The following TMEM132B variants were observed in gnomAD, a reference collection of about 807,000 sequenced individuals.
TMEM132B encodes transmembrane protein 132B.
TMEM132B carries 18 observed loss-of-function variants against 90.8 expected under a neutral mutation model. The observed-to-expected ratio is 0.20, with a 90% confidence interval of 0.14 to 0.29. TMEM132B has a LOEUF of 0.29. Ranked by LOEUF, TMEM132B falls within the 10% of genes least tolerant of loss-of-function variation. The probability of loss-of-function intolerance (pLI) is 1.00; values close to 1 mark genes in which losing one functional copy is unlikely to be tolerated. For missense variants in TMEM132B, 1,096 were observed against 1,326.8 expected (o/e 0.83, Z 2.70); for synonymous variants, 504 against 523.3 (o/e 0.96, Z 0.50).
At chr12:125,323,887 C>T (rs1478798804) in intron 1 of TMEM132B, among the ~76,000 whole-genome samples, 2 of 152,030 alleles carry the variant, frequency 1.3e-5, no homozygotes, top group Non-Finnish European at 2.9e-5. Flanking sequence ...GAAAGGAGCT[C>T]GTGTATATAA....
At chr12:125,290,398 C>T (rs73233341) in intron 1 of TMEM132B, among the ~76,000 whole-genome samples, 2,953 of 152,310 alleles carry the variant, frequency 0.019, 42 homozygotes, top group Non-Finnish European at 0.029. Flanking sequence ...CAGTTACAAT[C>T]GATGCTCCTG....
At chr12:125,439,146 CT>C (rs60886266) in intron 3 of TMEM132B, among the ~76,000 whole-genome samples, 65,813 of 146,854 alleles carry the variant, frequency 0.45, 16,672 homozygotes, top group African/African-American at 0.71. Flanking sequence ...TGTTCAGGCT[CT>C]TTTTTTTTTT....
chr12:125,271,057 C>T (rs186624697), intron 1 of TMEM132B, among the ~76,000 whole-genome samples: 1 of 151,666 alleles, frequency 6.6e-6, no homozygotes, highest in Admixed American at 6.6e-5. Context: ...CTCAAGTGAT[C>T]CTCCCACCTC....
chr12:125,570,636 G>A (rs1412188971), intron 4 of TMEM132B, among the ~76,000 whole-genome samples: 1 of 152,160 alleles, frequency 6.6e-6, no homozygotes, highest in Non-Finnish European at 1.5e-5. Context: ...TAAATGATCC[G>A]AGTCTAAAAA....
intron 1 of TMEM132B, among the ~76,000 whole-genome samples, chr12:125,348,935 G>A (rs1360813415): frequency 6.6e-6 from 1 of 152,208 alleles, no homozygotes; most frequent in Non-Finnish European, 1.5e-5. Flanking sequence ...AAGTAGGAAA[G>A]CTGAGCGGTA....
intron 1 of TMEM132B, among the ~76,000 whole-genome samples, chr12:125,337,377 G>A (rs763111380): frequency 1.3e-5 from 2 of 152,130 alleles, no homozygotes; most frequent in East Asian, 1.9e-4. Flanking sequence ...CTTTCCTCGC[G>A]TGGAGGTTCC....
At position 125,407,945 on chromosome 12, in the gene TMEM132B, G is replaced by C. The variant is rs1879552650; in HGVS notation, c.960-7586G>C. ...TCCACATAAGCGAGCACAGACTGAT[G>C]AGTTCTCACAACCACCAAGTAATCG... On this transcript the variant is annotated intron_variant, in intron 2 of 8. Coordinates refer to ENST00000682704, the MANE Select transcript of TMEM132B (RefSeq NM_001366854.1). The surrounding 1 kb of genome is among the most constrained non-coding windows in gnomAD (Gnocchi z 6.7). Among the ~76,000 whole-genome samples, 1 of 152,214 alleles carries C rather than the reference G, an allele frequency of 6.6e-6. No homozygotes were observed. Among genetic ancestry groups the C allele is most frequent in the Admixed American group, 6.5e-5 (1 of 15,282 alleles).
chr12:125,207,765 T>A (rs1244872143), intron 1 of TMEM132B, among the ~76,000 whole-genome samples: 1 of 152,200 alleles, frequency 6.6e-6, no homozygotes, highest in African/African-American at 2.4e-5. Context: ...TCCCCAGGCC[T>A]CCACCATCTT....
intron 3 of TMEM132B, among the ~76,000 whole-genome samples, chr12:125,471,745 A>G (rs923135981): frequency 3.3e-5 from 5 of 152,196 alleles, no homozygotes; most frequent in Non-Finnish European, 4.4e-5. Context: ...CCAGAGGACT[A>G]TCAGAGCTAA....
chr12:125,376,733 C>T (rs549029108), intron 2 of TMEM132B, among the ~76,000 whole-genome samples: 3 of 152,306 alleles, frequency 2.0e-5, no homozygotes, highest in South Asian at 2.1e-4. Context: ...CTGAGGCCGC[C>T]CTATGAAGCC....
At chr12:125,585,737 C>A (rs555482921) in intron 5 of TMEM132B, 3 of 152,218 alleles carry the variant, frequency 2.0e-5, no homozygotes, top group Non-Finnish European at 4.4e-5. Flanking sequence ...GTATCCTCTG[C>A]TCATCCTCAT....
chr12:125,264,673 C>T (rs1380966384), intron 1 of TMEM132B, among the ~76,000 whole-genome samples: 1 of 152,216 alleles, frequency 6.6e-6, no homozygotes, highest in Non-Finnish European at 1.5e-5. Context: ...TGTTGCGTGG[C>T]AAGCATGCAG....
intron 1 of TMEM132B, among the ~76,000 whole-genome samples, chr12:125,333,515 C>A (rs1876859704): frequency 6.6e-6 from 1 of 152,176 alleles, no homozygotes; most frequent in Non-Finnish European, 1.5e-5. Context: ...CTCCCTCTCC[C>A]AACTCTGCCC....
chr12:125,533,659 G>A (rs10744213), intron 4 of TMEM132B, among the ~76,000 whole-genome samples: 87,725 of 151,778 alleles, frequency 0.58, 25,723 homozygotes, highest in East Asian at 0.86. Flanking sequence ...GCTTGTACAG[G>A]CCGCGCGCCC....
intron 5 of TMEM132B, among the ~76,000 whole-genome samples, chr12:125,627,485 G>C (rs1018125537): frequency 6.6e-6 from 1 of 151,966 alleles, no homozygotes; most frequent in African/African-American, 2.4e-5. Flanking sequence ...TGGGATTTCT[G>C]TTAATATAGT....
At chr12:125,342,144 T>G (rs1419007036) in intron 1 of TMEM132B, among the ~76,000 whole-genome samples, 1 of 152,226 alleles carries the variant, frequency 6.6e-6, no homozygotes, top group Non-Finnish European at 1.5e-5. Flanking sequence ...TTATCTAAGA[T>G]TCCCACCTTT....
intron 3 of TMEM132B, among the ~76,000 whole-genome samples, chr12:125,484,699 T>C (rs1882155046): frequency 1.3e-5 from 2 of 152,102 alleles, no homozygotes; most frequent in Admixed American, 6.5e-5. Flanking sequence ...GGTGTGATCA[T>C]AGCTCACTGC....
intron 5 of TMEM132B, among the ~76,000 whole-genome samples, chr12:125,629,359 T>C: frequency 6.6e-6 from 1 of 152,108 alleles, no homozygotes; most frequent in South Asian, 2.1e-4. Context: ...GATCGTTTAC[T>C]TCTTTGGTTA....
At chr12:125,635,096 G>C (rs951494102) in intron 5 of TMEM132B, among the ~76,000 whole-genome samples, 38 of 152,300 alleles carry the variant, frequency 2.5e-4, no homozygotes, top group African/African-American at 8.7e-4. Flanking sequence ...ATTCAAGTTT[G>C]GACTGCTGGG....
Sources: allele counts gnomAD v4.1 joint callset (sites outside exome capture counted in the v4.1 genomes callset), GRCh38; gene constraint gnomAD v4.1.1; non-coding constraint Gnocchi (gnomAD v3.1); transcripts MANE v1.5; gene names NCBI Gene and HGNC (gene_info 2026-07-23, HGNC 2026-07-21).